IGF2BP2: variants seen among roughly 807,000 people sequenced by gnomAD.
IGF2BP2 encodes insulin like growth factor 2 mRNA binding protein 2, also known as insulin-like growth factor 2 mRNA-binding protein 2.
In IGF2BP2, 17 loss-of-function variants were observed where a neutral mutation model predicts 75.8. The ratio of observed to expected loss-of-function variants is 0.22; its 90% CI spans 0.15 to 0.34. IGF2BP2 has a LOEUF of 0.34. Among genes scored for constraint, IGF2BP2 ranks in the 10% least tolerant of loss-of-function variants. The pLI is 1.00. For synonymous variants in IGF2BP2, 288 were observed against 295.6 expected (o/e 0.97, Z 0.26); for missense variants, 516 against 772.4 (o/e 0.67, Z 3.93).
At chr3:185,803,740 A>C (rs1258939526) in intron 2 of IGF2BP2, among the ~76,000 whole-genome samples, 2 of 152,256 alleles carry the variant, frequency 1.3e-5, no homozygotes, top group African/African-American at 4.8e-5. Flanking sequence ...GACAGAACTG[A>C]AATTAATCTT....
intron 2 of IGF2BP2, among the ~76,000 whole-genome samples, chr3:185,800,947 T>C (rs894878842): frequency 4.6e-5 from 7 of 152,026 alleles, no homozygotes; most frequent in African/African-American, 1.7e-4. Context: ...GAGAAAAATT[T>C]TGCAATCTAA....
chr3:185,788,775 C>T (rs1404739050), intron 2 of IGF2BP2, among the ~76,000 whole-genome samples: 2 of 140,032 alleles, frequency 1.4e-5, no homozygotes, highest in Non-Finnish European at 3.0e-5. Context: ...AGCGCAGTGG[C>T]GCGATCTCAG....
chr3:185,823,707 G>A (rs1004395812), intron 1 of IGF2BP2, among the ~76,000 whole-genome samples: 1 of 151,912 alleles, frequency 6.6e-6, no homozygotes, highest in Non-Finnish European at 1.5e-5. Context: ...GCTCCTGGGT[G>A]TCACCTTGGC....
intron 2 of IGF2BP2, among the ~76,000 whole-genome samples, chr3:185,746,263 GCAAT>G (rs1413705230): frequency 1.5e-4 from 23 of 152,134 alleles, no homozygotes; most frequent in Non-Finnish European, 2.9e-4. Context: ...TGGGCGGAGG[GCAAT>G]CAAAGTGATA....
intron 2 of IGF2BP2, among the ~76,000 whole-genome samples, chr3:185,819,020 TAAAG>T (rs532814285): frequency 1.8e-4 from 27 of 152,296 alleles, no homozygotes; most frequent in Non-Finnish European, 3.4e-4. Context: ...CTTTTTCTCT[TAAAG>T]AAAACATATT....
At chr3:185,701,063 T>C (rs1376835007) in intron 2 of IGF2BP2, among the ~76,000 whole-genome samples, 2 of 152,134 alleles carry the variant, frequency 1.3e-5, no homozygotes, top group African/African-American at 4.8e-5. Flanking sequence ...GGTAAAAGAA[T>C]ACTTTTAGCT....
chr3:185,681,235 T>G (rs1389717765), intron 7 of IGF2BP2, among the ~76,000 whole-genome samples: 1 of 152,176 alleles, frequency 6.6e-6, no homozygotes, highest in East Asian at 1.9e-4. Context: ...TCAGCAAAAT[T>G]GCAGGATACA....
intron 2 of IGF2BP2, among the ~76,000 whole-genome samples, chr3:185,736,846 C>G (rs71320319): frequency 2.6e-5 from 4 of 152,140 alleles, no homozygotes; most frequent in African/African-American, 9.7e-5. Flanking sequence ...GACCCTGATA[C>G]GCAAAACTGT....
intron 10 of IGF2BP2, among the ~76,000 whole-genome samples, chr3:185,659,412 C>T (rs965509170): frequency 4.6e-5 from 7 of 152,202 alleles, no homozygotes; most frequent in African/African-American, 1.2e-4. Context: ...TTCACTCTTT[C>T]GCCCAGGCTG....
chr3:185,755,220 C>T (rs1731458386), intron 2 of IGF2BP2, among the ~76,000 whole-genome samples: 1 of 152,204 alleles, frequency 6.6e-6, no homozygotes, highest in African/African-American at 2.4e-5. Flanking sequence ...GAGGCTGCAA[C>T]CCCCATCTCC....
At chr3:185,767,405 A>G (rs1437303781) in intron 2 of IGF2BP2, among the ~76,000 whole-genome samples, 1 of 152,204 alleles carries the variant, frequency 6.6e-6, no homozygotes, top group Non-Finnish European at 1.5e-5. Flanking sequence ...ATCTTCTAAA[A>G]TCCAATCCCA....
intron 7 of IGF2BP2, among the ~76,000 whole-genome samples, chr3:185,684,567 G>A (rs1560289223): frequency 6.6e-6 from 1 of 152,086 alleles, no homozygotes; most frequent in Admixed American, 6.5e-5. Flanking sequence ...ACCACGCCCA[G>A]CTAATTTTTG....
At position 185,800,718 on chromosome 3, in the gene IGF2BP2, A is replaced by AAAAAAGAAAG. The variant is rs771868332; in HGVS notation, c.239+22434_239+22435insCTTTCTTTTT. ...TGCCACTTGGTGACTGAGCCAAAAA[A>AAAAAAGAAAG]AAAGAAAGAAAGAAAGAAAGAAAGT... is the stretch of plus-strand genomic sequence containing the variant. On this transcript the variant is annotated intron_variant, in intron 2 of 15. Transcript: ENST00000382199. Among the ~76,000 whole-genome samples, 72 of 143,368 alleles carry AAAAAAGAAAG rather than the reference A, an allele frequency of 5.0e-4. 2 individuals are homozygous for AAAAAAGAAAG. The highest frequency in any genetic ancestry group is 1.9e-3 in the African/African-American group (70 of 37,318). 94.1% of individuals were successfully genotyped at this position (143,368 alleles called of 152,430 possible). A position where few individuals can be genotyped will look rare whatever the true frequency, so the allele number is the denominator to read the frequency against.
In IGF2BP2 at chr3:185,672,406, A is replaced by G. The variant is rs1436736216; in HGVS notation, c.1200+135T>C. On this transcript the variant is annotated intron_variant, in intron 10 of 15. Coordinates refer to ENST00000382199, the MANE Select transcript of IGF2BP2 (RefSeq NM_006548.6). ...GAAGTCCTAAGAAATGTTGAGTTCA[A>G]CCTACATTGGATTCATCTCTACTCG... 8 of 867,750 alleles carry G rather than the reference A, an allele frequency of 9.2e-6. No homozygotes were observed. The East Asian group carries it at 1.4e-4, about 15-fold the overall frequency. 53.8% of individuals were successfully genotyped at this position (867,750 alleles called of 1,614,324 possible).
intron 2 of IGF2BP2, among the ~76,000 whole-genome samples, chr3:185,746,128 G>C (rs751238237): frequency 2.5e-4 from 38 of 152,168 alleles, no homozygotes; most frequent in Non-Finnish European, 4.7e-4. Flanking sequence ...AAAATGTTTA[G>C]TTACTGTTTA....
Position 185,689,346 on chromosome 3 carries a change from G to A in IGF2BP2, c.677+9C>T, listed in dbSNP as rs753025572. 7.4e-6 allele frequency: 12 copies of A among 1,611,008 alleles called. No individual in the cohort carries two copies. The Admixed American group carries it at 8.4e-5, about 11-fold the overall frequency. ...AGAAGGAAGCAAAGGAAGCCCCACA[G>A]GCACGTACCGGGACTGGGTCTGCTT... On this transcript the variant is annotated intron_variant, in intron 6 of 15. Coordinates refer to ENST00000382199, the MANE Select transcript of IGF2BP2 (RefSeq NM_006548.6).
chr3:185,658,357 A>C lies in IGF2BP2; in HGVS notation c.1253T>G (p.Phe418Cys). 1 of 1,613,838 alleles carries C rather than the reference A, an allele frequency of 6.2e-7. No individual in the cohort carries two copies. Among genetic ancestry groups the C allele is most frequent in the South Asian group, 1.1e-5 (1 of 91,066 alleles). ...GGCACTTACAGAGTGATGATGCGGG[A>C]ACGGGCCAAACTGGTGATGGGGGTA... ...SLYPHHQFGP[F>C]PHHHSYPEQE... The change falls in exon 11 of 16, where the codon TTC becomes TGC. Residue 418 changes from phenylalanine to cysteine, a missense_variant. Physicochemically the swap from Phe to Cys is radical, Grantham distance 205. This residue lies in a region of IGF2BP2 where 75 missense variants were observed against 67.4 expected (regional missense o/e 1.11). Transcript: ENST00000382199.
intron 2 of IGF2BP2, chr3:185,713,328 C>G (rs959712073): frequency 2.1e-6 from 1 of 479,840 alleles, no homozygotes. Flanking sequence ...TCTGTAAAGC[C>G]CATTTTCACA....
chr3:185,659,368 CTTTTAT>C (rs1378398642), intron 10 of IGF2BP2, among the ~76,000 whole-genome samples: 1 of 152,138 alleles, frequency 6.6e-6, no homozygotes, highest in East Asian at 1.9e-4. Context: ...AAAGTAGCTG[CTTTTAT>C]TTTATTTCTT....
Sources: allele counts gnomAD v4.1 joint callset (sites outside exome capture counted in the v4.1 genomes callset), GRCh38; gene constraint gnomAD v4.1.1; regional missense constraint gnomAD v4.1.1; transcripts MANE v1.5; gene names NCBI Gene and HGNC (gene_info 2026-07-23, HGNC 2026-07-21).